The following RAB38 variants were observed in gnomAD, a reference collection of about 807,000 sequenced individuals.
RAB38 encodes the protein RAB38, member RAS oncogene family, also known as ras-related protein Rab-38.
RAB38 carries 15 observed loss-of-function variants against 18.4 expected under a neutral mutation model. The ratio of observed to expected loss-of-function variants is 0.82; its 90% CI spans 0.55 to 1.26. The LOEUF is 1.26. Among genes scored for constraint, RAB38 ranks in the 50% most tolerant of loss-of-function variants. RAB38 has a pLI of 0.00. For synonymous variants in RAB38, 101 were observed against 104.4 expected (o/e 0.97, Z 0.20); for missense variants, 294 against 267.4 (o/e 1.10, Z -0.69).
chr11:88,020,756 A>G, the RAB38 span, among the ~76,000 whole-genome samples: 1 of 152,210 alleles, frequency 6.6e-6, no homozygotes, highest in Admixed American at 6.5e-5. Context: ...TCTTCTCTGA[A>G]CACAATCGAA....
the RAB38 span, among the ~76,000 whole-genome samples, chr11:87,893,342 C>T: frequency 9.5e-6 from 1 of 105,430 alleles, no homozygotes; most frequent in East Asian, 3.2e-4. Context: ...ATTTTACACA[C>T]ACACACATAT....
intron 1 of RAB38, among the ~76,000 whole-genome samples, chr11:88,157,133 T>G (rs1039117176): frequency 3.3e-5 from 5 of 151,994 alleles, no homozygotes; most frequent in Non-Finnish European, 7.4e-5. Context: ...AGGCTCAAAG[T>G]AAAGGATTAG....
intron 1 of RAB38, among the ~76,000 whole-genome samples, chr11:88,156,127 C>T (rs1460295978): frequency 6.6e-6 from 1 of 152,026 alleles, no homozygotes; most frequent in African/African-American, 2.4e-5. Context: ...AAGAAAATTT[C>T]CCTAACCTTG....
At chr11:88,090,393 T>C in the RAB38 span, among the ~76,000 whole-genome samples, 1 of 151,956 alleles carries the variant, frequency 6.6e-6, no homozygotes, top group Non-Finnish European at 1.5e-5. Flanking sequence ...CACAGAAGTT[T>C]TTCTAAGTAT....
intron 2 of RAB38, among the ~76,000 whole-genome samples, chr11:88,147,835 G>A (rs1315503285): frequency 6.6e-6 from 1 of 152,130 alleles, no homozygotes; most frequent in African/African-American, 2.4e-5. Context: ...GGAGCTTGCA[G>A]TGAGCCGAGA....
chr11:88,006,024 C>T, the RAB38 span, among the ~76,000 whole-genome samples: 1 of 151,374 alleles, frequency 6.6e-6, no homozygotes, highest in African/African-American at 2.4e-5. Flanking sequence ...AATATATTTG[C>T]AAACTATACA....
intron 2 of RAB38, among the ~76,000 whole-genome samples, chr11:88,146,486 T>C (rs1942988121): frequency 6.6e-6 from 1 of 152,024 alleles, no homozygotes; most frequent in Non-Finnish European, 1.5e-5. Context: ...AAATGTTCTC[T>C]GATCTCAAAA....
the RAB38 span, among the ~76,000 whole-genome samples, chr11:87,877,252 A>C: frequency 6.6e-6 from 1 of 151,478 alleles, no homozygotes; most frequent in Non-Finnish European, 1.5e-5. Flanking sequence ...AAAGTACATA[A>C]AATTGTTTGA....
chr11:87,968,232 T>A, the RAB38 span, among the ~76,000 whole-genome samples: 1 of 152,190 alleles, frequency 6.6e-6, no homozygotes, highest in African/African-American at 2.4e-5. Context: ...CTTACTGGTT[T>A]CAGCCATTTC....
At chr11:87,812,738 A>T in the RAB38 span, among the ~76,000 whole-genome samples, 1 of 152,218 alleles carries the variant, frequency 6.6e-6, no homozygotes, top group African/African-American at 2.4e-5. Flanking sequence ...TAAAACGCCG[A>T]AAGATTGAAT....
the RAB38 span, among the ~76,000 whole-genome samples, chr11:87,903,821 T>TTACACAATTC: frequency 6.6e-6 from 1 of 151,596 alleles, no homozygotes; most frequent in African/African-American, 2.4e-5. Flanking sequence ...AGTTTATTCA[T>TTACACAATTC]ATTAAGTTGT....
chr11:88,143,565 AG>A (rs1942943967), intron 2 of RAB38, among the ~76,000 whole-genome samples: 1 of 152,238 alleles, frequency 6.6e-6, no homozygotes, highest in South Asian at 2.1e-4. Context: ...TAAATCATTA[AG>A]AAGTAGAACC....
the RAB38 span, among the ~76,000 whole-genome samples, chr11:87,821,616 G>A: frequency 4.6e-5 from 7 of 152,050 alleles, no homozygotes; most frequent in South Asian, 4.1e-4. Context: ...TTGGGAGGCC[G>A]AGGCGGGTAG....
the RAB38 span, among the ~76,000 whole-genome samples, chr11:87,884,917 C>CA: frequency 6.6e-6 from 1 of 151,900 alleles, no homozygotes; most frequent in African/African-American, 2.4e-5. Flanking sequence ...GGCCCTGGAT[C>CA]AGGTAGAACA....
the RAB38 span, among the ~76,000 whole-genome samples, chr11:88,023,438 T>A: frequency 1.6e-4 from 24 of 151,738 alleles, no homozygotes; most frequent in African/African-American, 5.8e-4. Context: ...GTTAATGGAC[T>A]GGAAGAATCA....
chr11:88,102,638 A>C, the RAB38 span, among the ~76,000 whole-genome samples: 1 of 152,118 alleles, frequency 6.6e-6, no homozygotes, highest in Non-Finnish European at 1.5e-5. Context: ...GGCAACCAGC[A>C]GTCTCTGCCA....
the RAB38 span, among the ~76,000 whole-genome samples, chr11:88,107,008 T>A: frequency 8.9e-4 from 136 of 152,130 alleles, no homozygotes; most frequent in Middle Eastern, 0.014. Context: ...TAAAATTCCC[T>A]CCCGTGGAAT....
chr11:88,174,499 C>T (rs1400712273), intron 1 of RAB38, among the ~76,000 whole-genome samples: 1 of 151,668 alleles, frequency 6.6e-6, no homozygotes, highest in Non-Finnish European at 1.5e-5. Context: ...AATATACACA[C>T]AACCTCCTTT....
the RAB38 span, chr11:87,816,191 C>A: frequency 6.6e-6 from 1 of 152,266 alleles, no homozygotes; most frequent in Non-Finnish European, 1.5e-5. Context: ...GTTTTTCATA[C>A]CATTAGTCAT....
Sources: allele counts gnomAD v4.1 joint callset (sites outside exome capture counted in the v4.1 genomes callset), GRCh38; gene constraint gnomAD v4.1.1; transcripts MANE v1.5; gene names NCBI Gene and HGNC (gene_info 2026-07-23, HGNC 2026-07-21).